The following ASTN2 variants were observed in gnomAD, a reference collection of about 807,000 sequenced individuals.
The protein encoded by ASTN2 is astrotactin-2.
ASTN2 carries 54 observed loss-of-function variants against 139.8 expected under a neutral mutation model. That is an observed-to-expected ratio of 0.39 (90% CI 0.31 to 0.48). ASTN2 has a LOEUF of 0.48. Among genes scored for constraint, ASTN2 ranks in the 20% least tolerant of loss-of-function variants. The pLI, the probability that ASTN2 is intolerant of heterozygous loss-of-function variation, is 0.95. For synonymous variants in ASTN2, 756 were observed against 719.5 expected (o/e 1.05, Z -0.81); for missense variants, 1,565 against 1,725.1 (o/e 0.91, Z 1.64).
chr9:116,680,569 C>A (rs935771539), intron 16 of ASTN2, among the ~76,000 whole-genome samples: 8 of 151,954 alleles, frequency 5.3e-5, no homozygotes, highest in Non-Finnish European at 8.8e-5. Flanking sequence ...GAGACACAAC[C>A]AAAAAGGAGA....
chr9:116,852,662 A>C (rs567508440), intron 11 of ASTN2, among the ~76,000 whole-genome samples: 2 of 152,248 alleles, frequency 1.3e-5, no homozygotes, highest in South Asian at 4.2e-4. Context: ...ATTATTTGTA[A>C]AATTTAATAA....
chr9:117,169,474 C>T (rs1830742216), intron 3 of ASTN2, among the ~76,000 whole-genome samples: 1 of 152,150 alleles, frequency 6.6e-6, no homozygotes, highest in Admixed American at 6.5e-5. Context: ...GCTTAGCTTT[C>T]ATTTGCTTAT....
intron 19 of ASTN2, among the ~76,000 whole-genome samples, chr9:116,495,175 G>T (rs565746589): frequency 6.6e-6 from 1 of 152,276 alleles, no homozygotes; most frequent in East Asian, 1.9e-4. Context: ...GAGAGTTTCT[G>T]TGTGCCAGGC....
At chr9:117,284,247 G>T (rs1444625922) in intron 2 of ASTN2, among the ~76,000 whole-genome samples, 1 of 152,102 alleles carries the variant, frequency 6.6e-6, no homozygotes, top group Non-Finnish European at 1.5e-5. Context: ...AGGACCACAG[G>T]CTCACACCAC....
intron 2 of ASTN2, among the ~76,000 whole-genome samples, chr9:117,223,764 C>T (rs1440725453): frequency 6.6e-6 from 1 of 152,148 alleles, no homozygotes; most frequent in East Asian, 1.9e-4. Flanking sequence ...TATACTCACA[C>T]CTATGTTAAT....
At chr9:116,822,194 A>AAC (rs11413146) in intron 11 of ASTN2, among the ~76,000 whole-genome samples, 107,902 of 141,652 alleles carry the variant, frequency 0.76, 38,839 homozygotes, top group Middle Eastern at 0.85. Context: ...CCACAATAAC[A>AAC]AAAAAAAAAA....
intron 1 of ASTN2, among the ~76,000 whole-genome samples, chr9:117,380,264 CA>C (rs1830231063): frequency 6.6e-6 from 1 of 152,064 alleles, no homozygotes; most frequent in East Asian, 1.9e-4. Context: ...GTATAACTCA[CA>C]AAGCATGATA....
intron 1 of ASTN2, among the ~76,000 whole-genome samples, chr9:117,411,606 C>T (rs1207043116): frequency 6.6e-6 from 1 of 152,188 alleles, no homozygotes; most frequent in African/African-American, 2.4e-5. Context: ...TGAGGTCCCC[C>T]ACTGGAGTTT....
At chr9:117,406,929 CAG>C (rs1831012383) in intron 1 of ASTN2, among the ~76,000 whole-genome samples, 1 of 150,946 alleles carries the variant, frequency 6.6e-6, no homozygotes. Context: ...TCTCTGAATG[CAG>C]AGATCTTTGT....
intron 1 of ASTN2, among the ~76,000 whole-genome samples, chr9:117,369,309 C>T (rs1297097054): frequency 6.6e-6 from 1 of 152,100 alleles, no homozygotes; most frequent in Non-Finnish European, 1.5e-5. Context: ...GCTTTTCCAT[C>T]TATTTTTAAT....
At chr9:116,480,468 T>C (rs763234112) in intron 20 of ASTN2, among the ~76,000 whole-genome samples, 4 of 152,196 alleles carry the variant, frequency 2.6e-5, no homozygotes, top group Non-Finnish European at 4.4e-5. Flanking sequence ...GATTCTTAAT[T>C]AGTGTCAGTT....
chr9:116,647,034 C>T lies in ASTN2; in HGVS notation c.3072+4494G>A, dbSNP rs190551103. Reference sequence around the variant, plus strand: ...ATTCTACCAGCAATGTTCTCATTCTCCTCTTCCTTTCTGAAACCTCAGTCT... The same window carrying T: ...ATTCTACCAGCAATGTTCTCATTCTTCTCTTCCTTTCTGAAACCTCAGTCT... On this transcript the variant is annotated intron_variant, in intron 17 of 22. Coordinates refer to ENST00000313400, the MANE Select transcript of ASTN2 (RefSeq NM_001365068.1). Among the ~76,000 whole-genome samples, 35 of 152,268 alleles carry T rather than the reference C, an allele frequency of 2.3e-4. No homozygotes were observed. In the East Asian group the frequency reaches 6.8e-3, roughly 29 times the overall value.
At chr9:116,612,164 C>T (rs537940329) in intron 19 of ASTN2, 3 of 152,014 alleles carry the variant, frequency 2.0e-5, no homozygotes, top group East Asian at 1.9e-4. Flanking sequence ...ATACCTTCTT[C>T]GAGCTAACTA....
chr9:116,954,675 A>C (rs1240774081), intron 10 of ASTN2, among the ~76,000 whole-genome samples: 1 of 150,708 alleles, frequency 6.6e-6, no homozygotes, highest in Non-Finnish European at 1.5e-5. Flanking sequence ...AAAAAAAAAC[A>C]GGTGATGGGC....
intron 5 of ASTN2, among the ~76,000 whole-genome samples, chr9:117,055,874 G>T (rs998695167): frequency 6.6e-6 from 1 of 152,352 alleles, no homozygotes; most frequent in Non-Finnish European, 1.5e-5. Context: ...GAAGGTAAAT[G>T]TTATGCAATG....
At chr9:116,584,587 T>C (rs1269343468) in intron 19 of ASTN2, 1 of 152,098 alleles carries the variant, frequency 6.6e-6, no homozygotes, top group Non-Finnish European at 1.5e-5. Flanking sequence ...AAAATACAAC[T>C]AGCATTATAC....
rs181743266 is a variant in ASTN2 at position 117,372,362 on chromosome 9, T to G, written c.442+42135A>C. Among the ~76,000 whole-genome samples, 247 of 152,244 alleles carry G rather than the reference T, an allele frequency of 1.6e-3. 1 individual carries two copies. The highest frequency in any genetic ancestry group is 9.3e-3 in the South Asian group (45 of 4,814). On this transcript the variant is annotated intron_variant, in intron 1 of 22. Coordinates refer to ENST00000313400, the MANE Select transcript of ASTN2 (RefSeq NM_001365068.1). The stretch of plus-strand genomic sequence containing the variant: ...GATATTGGTACTAGTTAGCAAGTCT[T>G]ACCAAACCTTCTGATGCAATGGCTA...
At chr9:117,233,141 G>A (rs1832946653) in intron 2 of ASTN2, among the ~76,000 whole-genome samples, 1 of 152,168 alleles carries the variant, frequency 6.6e-6, no homozygotes. Context: ...GTCCTTCTGA[G>A]GGGCAGAGAG....
chr9:117,056,284 A>G lies in ASTN2; in HGVS notation c.1277-16319T>C, dbSNP rs544926459. Among the ~76,000 whole-genome samples the G allele has an allele frequency of 3.2e-4, 48 of 152,344 alleles. No individual in the cohort carries two copies. The South Asian group carries it at 5.4e-3, about 17-fold the overall frequency. The stretch of plus-strand genomic sequence containing the variant: ...ATTTCTTACACAGCAATAGATAACT[A>G]CTACCAGTACCTACTTAAATGGATA... On this transcript the variant is annotated intron_variant, in intron 5 of 22. Transcript: ENST00000313400.
Sources: gnomAD v4.1 joint callset for allele counts (sites outside exome capture counted in the v4.1 genomes callset) on GRCh38, gnomAD v4.1.1 for gene constraint, MANE v1.5 for transcripts, NCBI Gene and HGNC (gene_info 2026-07-23, HGNC 2026-07-21) for gene names.